Variants in RANBP2 observed in about 807,000 individuals in gnomAD.
The protein encoded by RANBP2 is E3 SUMO-protein ligase RanBP2.
Under a neutral mutation model 303.6 loss-of-function variants are expected in RANBP2, and 57 were observed. The ratio of observed to expected loss-of-function variants is 0.19; its 90% confidence interval spans 0.15 to 0.23. The LOEUF (loss-of-function observed/expected upper bound fraction) is 0.23. Among genes scored for constraint, RANBP2 ranks in the 10% least tolerant of loss-of-function variants. The probability of loss-of-function intolerance (pLI) is 1.00; values close to 1 mark genes in which losing one functional copy is unlikely to be tolerated. For missense variants in RANBP2, 3,138 were observed against 3,780.8 expected (o/e 0.83, Z 4.46); for synonymous variants, 1,167 against 1,301.5 (o/e 0.90, Z 2.23).
chr2:109,739,799 G>T, the RANBP2 span, among the ~76,000 whole-genome samples: 1 of 151,304 alleles, frequency 6.6e-6, no homozygotes, highest in Non-Finnish European at 1.5e-5. Flanking sequence ...TCATCTTCCA[G>T]ATTTAAGATA....
At chr2:109,015,201 G>A in the RANBP2 span, among the ~76,000 whole-genome samples, 1 of 139,596 alleles carries the variant, frequency 7.2e-6, no homozygotes, top group Non-Finnish European at 1.5e-5. Context: ...GAACAAATGT[G>A]TTAATACAGT....
the RANBP2 span, chr2:108,873,607 C>A: frequency 2.0e-6 from 3 of 1,536,378 alleles, no homozygotes; most frequent in South Asian, 3.5e-5. Context: ...TTTCTTATTT[C>A]TAACATTTTT....
the RANBP2 span, chr2:108,907,915 A>G: frequency 1.2e-6 from 2 of 1,613,712 alleles, no homozygotes; most frequent in Non-Finnish European, 1.7e-6. Flanking sequence ...AACCAGCGAC[A>G]GCAGGCACAG....
the RANBP2 span, among the ~76,000 whole-genome samples, chr2:109,636,482 C>G: frequency 6.6e-6 from 1 of 152,160 alleles, no homozygotes; most frequent in Non-Finnish European, 1.5e-5. Context: ...CTGGCATGTA[C>G]TCTTCAAAAT....
chr2:108,755,820 T>C, intron 17 of RANBP2, among the ~76,000 whole-genome samples: 1 of 150,360 alleles, frequency 6.7e-6, no homozygotes, highest in Non-Finnish European at 1.5e-5. Flanking sequence ...ACCTCCCAGG[T>C]TCAAGCGACT....
At chr2:109,592,685 CAA>C in the RANBP2 span, among the ~76,000 whole-genome samples, 2 of 149,554 alleles carry the variant, frequency 1.3e-5, no homozygotes, top group African/African-American at 4.9e-5. Flanking sequence ...GAGGCTGAGA[CAA>C]GAGAATCGCT....
At chr2:109,766,587 G>A in the RANBP2 span, among the ~76,000 whole-genome samples, 7 of 150,362 alleles carry the variant, frequency 4.7e-5, no homozygotes, top group South Asian at 1.3e-3. Flanking sequence ...AATGTAGGAG[G>A]GTTTTAAAAT....
At chr2:108,738,525 G>A (rs1695812444) in intron 6 of RANBP2, among the ~76,000 whole-genome samples, 1 of 151,830 alleles carries the variant, frequency 6.6e-6, no homozygotes, top group African/African-American at 2.4e-5. Context: ...GCACCCGGCT[G>A]TATGTGGGTT....
At chr2:109,078,486 G>A in the RANBP2 span, among the ~76,000 whole-genome samples, 2 of 148,702 alleles carry the variant, frequency 1.3e-5, no homozygotes, top group Admixed American at 6.7e-5. Context: ...GTAGAATAAT[G>A]GTTACCAGGG....
At chr2:108,951,244 G>A in the RANBP2 span, among the ~76,000 whole-genome samples, 3 of 152,136 alleles carry the variant, frequency 2.0e-5, no homozygotes, top group African/African-American at 7.2e-5. Flanking sequence ...TCTCAATATC[G>A]GTCTTCTGCA....
At chr2:109,108,542 C>T in the RANBP2 span, among the ~76,000 whole-genome samples, 1 of 152,140 alleles carries the variant, frequency 6.6e-6, no homozygotes, top group Non-Finnish European at 1.5e-5. Context: ...TGACCAAGTC[C>T]TCACAAGGCT....
At chr2:108,866,311 A>T in the RANBP2 span, among the ~76,000 whole-genome samples, 2 of 152,128 alleles carry the variant, frequency 1.3e-5, no homozygotes, top group African/African-American at 2.4e-5. Context: ...CATCACCTCC[A>T]TCTCAGTATC....
the RANBP2 span, among the ~76,000 whole-genome samples, chr2:109,463,486 C>T: frequency 6.6e-6 from 1 of 152,152 alleles, no homozygotes; most frequent in African/African-American, 2.4e-5. Flanking sequence ...TTCAAGGGTG[C>T]GAGGACTCCC....
chr2:109,283,125 A>C, the RANBP2 span, among the ~76,000 whole-genome samples: 1 of 152,214 alleles, frequency 6.6e-6, no homozygotes, highest in Non-Finnish European at 1.5e-5. Context: ...CAATCCTGAA[A>C]GGTAATAAAA....
the RANBP2 span, among the ~76,000 whole-genome samples, chr2:109,201,191 G>A: frequency 1.3e-5 from 2 of 152,220 alleles, no homozygotes; most frequent in African/African-American, 4.8e-5. Context: ...CAAGATGCAC[G>A]GTCCTGAAAT....
chr2:108,798,814 C>CACACA, the RANBP2 span, among the ~76,000 whole-genome samples: 1 of 109,568 alleles, frequency 9.1e-6, no homozygotes, highest in Non-Finnish European at 1.8e-5. Flanking sequence ...CCTCTCCACA[C>CACACA]CTACACACAC....
At chr2:109,554,710 T>C in the RANBP2 span, among the ~76,000 whole-genome samples, 1 of 152,224 alleles carries the variant, frequency 6.6e-6, no homozygotes, top group Non-Finnish European at 1.5e-5. Context: ...GAACAAAACA[T>C]TGTTATTCAA....
At chr2:109,064,469 AAACAAAAAC>A in the RANBP2 span, among the ~76,000 whole-genome samples, 2 of 148,908 alleles carry the variant, frequency 1.3e-5, 1 homozygote, top group Non-Finnish European at 3.0e-5. Context: ...AAAAAAAAAA[AAACAAAAAC>A]AAACTGGTAA....
the RANBP2 span, among the ~76,000 whole-genome samples, chr2:108,843,316 C>T: frequency 6.6e-6 from 1 of 152,134 alleles, no homozygotes; most frequent in Non-Finnish European, 1.5e-5. Context: ...CACCACCATG[C>T]CTGTCTACTT....
Sources: gnomAD v4.1 joint callset for allele counts (sites outside exome capture counted in the v4.1 genomes callset) on GRCh38, gnomAD v4.1.1 for gene constraint, MANE v1.5 for transcripts, NCBI Gene and HGNC (gene_info 2026-07-23, HGNC 2026-07-21) for gene names.